TMEM132C: variants seen among roughly 807,000 people sequenced by gnomAD.
The protein encoded by TMEM132C is transmembrane protein 132C.
Under a neutral mutation model 61.4 loss-of-function variants are expected in TMEM132C, and 29 were observed. The ratio of observed to expected loss-of-function variants is 0.47; its 90% CI spans 0.35 to 0.64. TMEM132C has a LOEUF of 0.64. TMEM132C is among the 30% of genes least tolerant of loss of function. The pLI is 0.00. For missense variants in TMEM132C, 1,408 were observed against 1,476.9 expected (o/e 0.95, Z 0.76); for synonymous variants, 656 against 633.1 (o/e 1.04, Z -0.54).
chr12:128,343,285 A>G (rs189802496), intron 1 of TMEM132C, among the ~76,000 whole-genome samples: 5 of 152,148 alleles, frequency 3.3e-5, no homozygotes, highest in South Asian at 2.1e-4. Context: ...TTAGCTGGGC[A>G]TGGTAGCGCG....
intron 1 of TMEM132C, among the ~76,000 whole-genome samples, chr12:128,382,379 A>ATAGC (rs1409776377): frequency 6.6e-6 from 1 of 152,220 alleles, no homozygotes; most frequent in Non-Finnish European, 1.5e-5. Flanking sequence ...AAAGATCGAG[A>ATAGC]TAGCGCTGAC....
At chr12:128,347,418 T>TCTCTCTCTCTCTCTCC (rs1873200150) in intron 1 of TMEM132C, among the ~76,000 whole-genome samples, 1 of 149,082 alleles carries the variant, frequency 6.7e-6, no homozygotes, top group Non-Finnish European at 1.5e-5. Flanking sequence ...TCTCTCTCTC[T>TCTCTCTCTCTCTCTCC]CTCTCTCTCT....
At chr12:128,622,360 A>AAAAAAAATAT (rs1277080166) in intron 4 of TMEM132C, among the ~76,000 whole-genome samples, 130 of 30,032 alleles carry the variant, frequency 4.3e-3, no homozygotes, top group Non-Finnish European at 5.8e-3. Context: ...AAAAAAAAAA[A>AAAAAAAATAT]ATATATATAT....
chr12:128,562,460 T>A (rs752167633), intron 3 of TMEM132C, among the ~76,000 whole-genome samples: 1 of 152,192 alleles, frequency 6.6e-6, no homozygotes, highest in Non-Finnish European at 1.5e-5. Context: ...TCTTCATAAG[T>A]GGTCCTTATT....
At chr12:128,465,794 C>A (rs1259064754) in intron 2 of TMEM132C, among the ~76,000 whole-genome samples, 1 of 152,214 alleles carries the variant, frequency 6.6e-6, no homozygotes, top group African/African-American at 2.4e-5. Flanking sequence ...TGACTACATG[C>A]ATGCTAGGCT....
At chr12:128,341,723 C>T (rs561969822) in intron 1 of TMEM132C, among the ~76,000 whole-genome samples, 20 of 152,144 alleles carry the variant, frequency 1.3e-4, no homozygotes, top group Non-Finnish European at 2.4e-4. Flanking sequence ...CTGGTGCAGC[C>T]ATTTTGGGGG....
At chr12:128,650,074 C>T (rs557323019) in intron 4 of TMEM132C, among the ~76,000 whole-genome samples, 52 of 152,296 alleles carry the variant, frequency 3.4e-4, no homozygotes, top group African/African-American at 1.1e-3. Context: ...CCATTTGAGA[C>T]GAGTTGCATC....
chr12:128,531,075 T>TGCGGG (rs1873278256), intron 2 of TMEM132C, among the ~76,000 whole-genome samples: 1 of 151,196 alleles, frequency 6.6e-6, no homozygotes, highest in Admixed American at 6.6e-5. Flanking sequence ...GGAGCAAACT[T>TGCGGG]ACAGAAGCAA....
chr12:128,628,668 C>G (rs1473589735), intron 4 of TMEM132C, among the ~76,000 whole-genome samples: 1 of 152,176 alleles, frequency 6.6e-6, no homozygotes, highest in Non-Finnish European at 1.5e-5. Context: ...ACAGTAGGCA[C>G]GTAACAAGGA....
intron 1 of TMEM132C, among the ~76,000 whole-genome samples, chr12:128,346,102 G>T (rs996935608): frequency 1.3e-5 from 2 of 151,958 alleles, no homozygotes; most frequent in Non-Finnish European, 2.9e-5. Context: ...TCTATAAGGG[G>T]TCCTTACACC....
intron 3 of TMEM132C, among the ~76,000 whole-genome samples, chr12:128,573,569 T>G (rs1354337639): frequency 1.3e-5 from 2 of 151,986 alleles, no homozygotes; most frequent in Non-Finnish European, 2.9e-5. Context: ...ACCTGCATGT[T>G]GTGCACATGT....
chr12:128,529,754 C>T (rs185792687), intron 2 of TMEM132C, among the ~76,000 whole-genome samples: 17 of 152,062 alleles, frequency 1.1e-4, no homozygotes, highest in Non-Finnish European at 2.2e-4. Context: ...CCACTGCACT[C>T]CAGCCTGGGT....
intron 4 of TMEM132C, among the ~76,000 whole-genome samples, chr12:128,623,428 T>C (rs1362255452): frequency 2.0e-5 from 3 of 148,612 alleles, no homozygotes; most frequent in African/African-American, 7.4e-5. Context: ...ATTTTATATA[T>C]ATATATGTAT....
chr12:128,290,178 A>T (rs1871206914), intron 1 of TMEM132C, among the ~76,000 whole-genome samples: 1 of 152,184 alleles, frequency 6.6e-6, no homozygotes, highest in Admixed American at 6.5e-5. Context: ...GTCCATTCTC[A>T]TACTGCCATA....
rs772883628 is a variant in TMEM132C, at chr12:128,327,113, GA to G, written c.85+59627del. 9.3e-5 allele frequency among the ~76,000 whole-genome samples: 14 copies of G among 150,048 alleles called. 1 individual carries two copies. Among genetic ancestry groups the G allele is most frequent in the Non-Finnish European group, 1.6e-4 (11 of 68,038 alleles). ...CTTAATCATTTACCAGACCCAGATG[GA>G]GTGATTTTAATGGGGCAGGCAGCCC... On this transcript the variant is annotated intron_variant, in intron 1 of 8. Transcript: ENST00000435159.
chr12:128,492,593 G>C (rs1280795935), intron 2 of TMEM132C, among the ~76,000 whole-genome samples: 1 of 152,164 alleles, frequency 6.6e-6, no homozygotes, highest in Non-Finnish European at 1.5e-5. Flanking sequence ...GCATTTCTCT[G>C]ATGGCCAGTG....
intron 2 of TMEM132C, among the ~76,000 whole-genome samples, chr12:128,445,070 TGG>T (rs1869931273): frequency 6.6e-6 from 1 of 152,154 alleles, no homozygotes; most frequent in South Asian, 2.1e-4. Context: ...AACCTGTATC[TGG>T]AAAAGCCTCA....
chr12:128,350,275 G>A (rs1199042187), intron 1 of TMEM132C, among the ~76,000 whole-genome samples: 2 of 152,130 alleles, frequency 1.3e-5, no homozygotes, highest in Non-Finnish European at 2.9e-5. Flanking sequence ...CTTTTGCGTT[G>A]AGGTGGGAGT....
At chr12:128,580,645 C>A (rs1031265213) in intron 3 of TMEM132C, among the ~76,000 whole-genome samples, 4 of 152,156 alleles carry the variant, frequency 2.6e-5, no homozygotes, top group African/African-American at 7.2e-5. Context: ...TTTCTGAATT[C>A]TCTTGCAAAG....
Sources: allele counts gnomAD v4.1 joint callset (sites outside exome capture counted in the v4.1 genomes callset), GRCh38; gene constraint gnomAD v4.1.1; transcripts MANE v1.5; gene names NCBI Gene and HGNC (gene_info 2026-07-23, HGNC 2026-07-21).